ACSS3: variants seen among roughly 807,000 people sequenced by gnomAD.
The protein encoded by ACSS3 is acyl-CoA synthetase short chain family member 3.
In ACSS3, 64 loss-of-function variants were observed where a neutral mutation model predicts 84.2. The observed-to-expected ratio is 0.76, with a 90% confidence interval of 0.62 to 0.94. The LOEUF is 0.94. ACSS3 is among the 40% of genes least tolerant of loss of function. The pLI, the probability that ACSS3 is intolerant of heterozygous loss-of-function variation, is 0.00. For synonymous variants in ACSS3, 317 were observed against 310.1 expected (o/e 1.02, Z -0.23); for missense variants, 815 against 867.6 (o/e 0.94, Z 0.76).
In ACSS3 at chr12:81,255,394, T is replaced by C. The variant is rs2034267145; in HGVS notation, c.*472T>C. The stretch of plus-strand genomic sequence containing the variant: ...CTCACATTGTTTTAAATAAAATAGA[T>C]GAAATGGGAAGTTTAGGTAATCATC... On this transcript the variant is annotated 3_prime_UTR_variant, in exon 16 of 16. Coordinates refer to ENST00000548058, the MANE Select transcript of ACSS3 (RefSeq NM_024560.4). The C allele has an allele frequency of 6.6e-6, 1 of 152,462 alleles. No individual in the cohort carries two copies. The highest frequency in any genetic ancestry group is 2.1e-4 in the South Asian group (1 of 4,846). 9.4% of individuals were successfully genotyped at this position (152,462 alleles called of 1,614,324 possible).
chr12:81,259,840 A>G lies in ACSS3; in HGVS notation c.*4918A>G. The stretch of plus-strand genomic sequence containing the variant: ...TGTAATTAACATTTGCTTTTCTCCA[A>G]TTTGGTGCAGGGGAGCTTAACAAAT... On this transcript the variant is annotated 3_prime_UTR_variant, in exon 16 of 16. Transcript: ENST00000548058. 1 of 451,498 alleles carries G rather than the reference A, an allele frequency of 2.2e-6. No individual in the cohort carries two copies. The highest frequency in any genetic ancestry group is 3.9e-6 in the Non-Finnish European group (1 of 259,154). 28.0% of individuals were successfully genotyped at this position (451,498 alleles called of 1,614,324 possible). A position where few individuals can be genotyped will look rare whatever the true frequency, so the allele number is the denominator to read the frequency against.
At chr12:81,177,908 AT>A (rs936941037) in intron 8 of ACSS3, among the ~76,000 whole-genome samples, 9 of 152,230 alleles carry the variant, frequency 5.9e-5, no homozygotes, top group Non-Finnish European at 1.0e-4. Context: ...CAGTGTGGCG[AT>A]TCCTCAGGGA....
chr12:81,245,454 T>A (rs903547106), intron 13 of ACSS3, among the ~76,000 whole-genome samples: 1 of 152,120 alleles, frequency 6.6e-6, no homozygotes, highest in Non-Finnish European at 1.5e-5. Flanking sequence ...AGAGTGAGAC[T>A]CTGTCTCAAA....
intron 7 of ACSS3, among the ~76,000 whole-genome samples, chr12:81,155,182 C>T (rs1192119633): frequency 6.6e-6 from 1 of 152,180 alleles, no homozygotes; most frequent in Admixed American, 6.5e-5. Flanking sequence ...ATACTCTACT[C>T]CTCGTTTTCT....
At chr12:81,092,245 A>G (rs1159980594) in intron 1 of ACSS3, among the ~76,000 whole-genome samples, 1 of 152,110 alleles carries the variant, frequency 6.6e-6, no homozygotes, top group Non-Finnish European at 1.5e-5. Context: ...TCTATGGACC[A>G]GGCACTATTC....
intron 1 of ACSS3, among the ~76,000 whole-genome samples, chr12:81,082,394 T>C (rs1255201585): frequency 6.6e-6 from 1 of 152,238 alleles, no homozygotes; most frequent in African/African-American, 2.4e-5. Context: ...GGGGATATGA[T>C]ACTGTCTTCT....
At chr12:81,213,768 C>T (rs1430302889) in intron 9 of ACSS3, among the ~76,000 whole-genome samples, 1 of 114,296 alleles carries the variant, frequency 8.7e-6, no homozygotes, top group African/African-American at 3.3e-5. Flanking sequence ...CTCCGCTCCT[C>T]TCTTCTCTCC....
At chr12:81,108,581 T>C (rs1883290219) in intron 1 of ACSS3, among the ~76,000 whole-genome samples, 1 of 152,138 alleles carries the variant, frequency 6.6e-6, no homozygotes. Context: ...CCGGCCTCTG[T>C]GGCTATGATT....
intron 9 of ACSS3, among the ~76,000 whole-genome samples, chr12:81,209,499 T>C (rs549352329): frequency 6.6e-6 from 1 of 152,036 alleles, no homozygotes; most frequent in African/African-American, 2.4e-5. Flanking sequence ...GTGCTCCAAG[T>C]CTCCAAGTAT....
intron 4 of ACSS3, 80 bp downstream of exon 4, chr12:81,139,345 A>G: frequency 1.3e-6 from 2 of 1,491,286 alleles, no homozygotes; most frequent in Non-Finnish European, 1.8e-6. Context: ...TAAAAGAGAC[A>G]TTTGATTTAT....
intron 1 of ACSS3, among the ~76,000 whole-genome samples, chr12:81,080,176 G>A (rs1880879724): frequency 6.6e-6 from 1 of 152,084 alleles, no homozygotes; most frequent in Non-Finnish European, 1.5e-5. Flanking sequence ...CTAAGGCAGT[G>A]GCAATAAGAA....
At chr12:81,180,931 T>C (rs1327598009) in intron 8 of ACSS3, among the ~76,000 whole-genome samples, 1 of 152,216 alleles carries the variant, frequency 6.6e-6, no homozygotes, top group African/African-American at 2.4e-5. Context: ...TAGTTTACTA[T>C]CCTATAACTA....
intron 9 of ACSS3, among the ~76,000 whole-genome samples, chr12:81,200,696 T>TA (rs1407081018): frequency 1.3e-5 from 2 of 152,028 alleles, no homozygotes; most frequent in East Asian, 3.9e-4. Flanking sequence ...GGTCAGGAGT[T>TA]ACAGACCAGC....
chr12:81,220,156 G>A, intron 11 of ACSS3, 80 bp downstream of exon 11: 6 of 751,584 alleles, frequency 8.0e-6, no homozygotes, highest in South Asian at 3.1e-5. Flanking sequence ...TCATTGCAGT[G>A]TTACTGCTAC....
In ACSS3 at chr12:81,257,186, A is replaced by G. The variant is rs955605466; in HGVS notation, c.*2264A>G. 1 of 152,022 alleles carries G rather than the reference A, an allele frequency of 6.6e-6. No homozygotes were observed. The highest frequency in any genetic ancestry group is 1.5e-5 in the Non-Finnish European group (1 of 68,004). The allele number at this position is 152,022 out of a possible 1,614,324, so 9.4% of individuals were successfully genotyped here. ...ACATCTCAGCAAGCAGACTTGGGTT[A>G]TTTTCCACTAGGATGGGAATGGAAA... On this transcript the variant is annotated 3_prime_UTR_variant, in exon 16 of 16. Transcript: ENST00000548058.
intron 1 of ACSS3, among the ~76,000 whole-genome samples, chr12:81,092,607 C>A (rs914115105): frequency 1.3e-5 from 2 of 151,910 alleles, no homozygotes; most frequent in African/African-American, 4.8e-5. Flanking sequence ...CTTTGTGCAG[C>A]CTCTCATTTT....
Position 81,174,930 on chromosome 12 carries a change from C to G in ACSS3, c.1241C>G (p.Ser414Cys). Residue 414 changes from serine to cysteine, a missense_variant, in exon 8 of 16, where the codon TCT (serine) becomes TGT (cysteine). By Grantham distance (112) the Ser-to-Cys change is moderately radical (BLOSUM62 -1). Transcript: ENST00000548058. Reference sequence around the variant, plus strand: ...GGGGCAGCTTTGGGGAAGCAGTACTCTCTGACAAGGTGACGTTGGGATGCA... The same window carrying G: ...GGGGCAGCTTTGGGGAAGCAGTACTGTCTGACAAGGTGACGTTGGGATGCA... ...DPGAALGKQY[S>C]LTRFKTLFVA... 3 of 1,613,596 alleles carry G rather than the reference C, an allele frequency of 1.9e-6. No individual in the cohort carries two copies. The highest frequency in any genetic ancestry group is 2.5e-6 in the Non-Finnish European group (3 of 1,179,656).
chr12:81,143,204 C>T lies in ACSS3; in HGVS notation c.878C>T (p.Pro293Leu). The T allele has an allele frequency of 1.2e-6, 2 of 1,612,944 alleles. No homozygotes were observed. The highest frequency in any genetic ancestry group is 1.7e-6 in the Non-Finnish European group (2 of 1,179,084). The part of the protein sequence containing the change: ...HDCVPVLSEH[P>L]LYILYTSGTT... ...TGTGTTCCTGTTCTTTCAGAACACCCACTGTATATTCTTTACACATCTGGC... is the reference window on the plus strand; with the variant it reads ...TGTGTTCCTGTTCTTTCAGAACACCTACTGTATATTCTTTACACATCTGGC... The change falls in exon 5 of 16, where the codon CCA (proline) becomes CTA (leucine). Residue 293 changes from proline (P) to leucine (L), a missense_variant. Coordinates refer to ENST00000548058, the MANE Select transcript of ACSS3 (RefSeq NM_024560.4).
At chr12:81,119,203 T>C (rs1169459135) in intron 2 of ACSS3, among the ~76,000 whole-genome samples, 2 of 151,600 alleles carry the variant, frequency 1.3e-5, no homozygotes, top group Non-Finnish European at 2.9e-5. Context: ...GAACAGGGAG[T>C]AGGTCATAAG....
Sources: gnomAD v4.1 joint callset for allele counts (sites outside exome capture counted in the v4.1 genomes callset) on GRCh38, gnomAD v4.1.1 for gene constraint, MANE v1.5 for transcripts, NCBI Gene and HGNC (gene_info 2026-07-23, HGNC 2026-07-21) for gene names.